KCNB2: variants seen among roughly 807,000 people sequenced by gnomAD.
KCNB2 encodes the protein potassium voltage-gated channel subfamily B member 2.
A neutral mutation model predicts 61.5 loss-of-function variants in KCNB2; 15 were observed. That is an observed-to-expected ratio of 0.24 (90% CI 0.16 to 0.38). KCNB2 has a LOEUF of 0.38. Among genes scored for constraint, KCNB2 ranks in the 10% least tolerant of loss-of-function variants. KCNB2 has a pLI of 1.00. For synonymous variants in KCNB2, 457 were observed against 446.0 expected (o/e 1.02, Z -0.31); for missense variants, 828 against 1,125.2 (o/e 0.74, Z 3.78).
At chr8:72,559,978 C>T (rs186624018) in intron 1 of KCNB2, among the ~76,000 whole-genome samples, 3 of 152,258 alleles carry the variant, frequency 2.0e-5, no homozygotes, top group Admixed American at 1.3e-4. Context: ...AAACTCCCTT[C>T]TGCCACATTC....
intron 2 of KCNB2, among the ~76,000 whole-genome samples, chr8:72,869,777 T>C (rs1329322398): frequency 6.6e-6 from 1 of 152,168 alleles, no homozygotes; most frequent in African/African-American, 2.4e-5. Flanking sequence ...TAGAAAATAG[T>C]GTGGAAGTTC....
chr8:72,645,417 A>G (rs1414463528), intron 2 of KCNB2, among the ~76,000 whole-genome samples: 1 of 152,128 alleles, frequency 6.6e-6, no homozygotes, highest in Non-Finnish European at 1.5e-5. Context: ...TCGCAAGTGC[A>G]TCATTTTTTT....
In KCNB2 at chr8:72,601,021, A is replaced by T. The variant is rs923749535; in HGVS notation, c.579+32708A>T. 3.9e-5 allele frequency among the ~76,000 whole-genome samples: 6 copies of T among 152,234 alleles called. 1 individual carries two copies. ...GTCAAAAAAAAAAAAAGAAATTAAAATGGTAAGTTCTACTCACAACCATTT... is the reference window on the plus strand; with the variant it reads ...GTCAAAAAAAAAAAAAGAAATTAAATTGGTAAGTTCTACTCACAACCATTT... On this transcript the variant is annotated intron_variant, in intron 2 of 2. Coordinates refer to ENST00000523207, the MANE Select transcript of KCNB2 (RefSeq NM_004770.3).
chr8:72,569,618 C>T (rs1038676), intron 2 of KCNB2, among the ~76,000 whole-genome samples: 17,093 of 148,924 alleles, frequency 0.11, 1,112 homozygotes, highest in East Asian at 0.28. Context: ...AAGTTGTTTA[C>T]TTTCATTTTA....
chr8:72,558,901 A>C (rs896144436), intron 1 of KCNB2, among the ~76,000 whole-genome samples: 2 of 152,112 alleles, frequency 1.3e-5, no homozygotes, highest in African/African-American at 4.8e-5. Context: ...GTGATCCTTG[A>C]GTTGATATCT....
chr8:72,819,994 CA>C (rs1208460197), intron 2 of KCNB2, among the ~76,000 whole-genome samples: 2 of 152,124 alleles, frequency 1.3e-5, no homozygotes, highest in African/African-American at 4.8e-5. Context: ...ACGGGTTACA[CA>C]TGGTCTGTGT....
intron 2 of KCNB2, among the ~76,000 whole-genome samples, chr8:72,717,630 A>T (rs1312036249): frequency 6.6e-6 from 1 of 152,134 alleles, no homozygotes; most frequent in Non-Finnish European, 1.5e-5. Flanking sequence ...CTGAAACTGG[A>T]TCCCTTCCTT....
intron 2 of KCNB2, among the ~76,000 whole-genome samples, chr8:72,588,864 C>T (rs181118335): frequency 3.2e-4 from 48 of 152,234 alleles, no homozygotes; most frequent in Non-Finnish European, 6.3e-4. Context: ...CCACTACACT[C>T]CAGCCTGGGT....
intron 2 of KCNB2, among the ~76,000 whole-genome samples, chr8:72,671,659 G>A (rs1806567575): frequency 6.6e-6 from 1 of 152,052 alleles, no homozygotes; most frequent in Admixed American, 6.6e-5. Flanking sequence ...ATGTGACTCT[G>A]TAGTTTCTTA....
At position 72,628,723 on chromosome 8, in the gene KCNB2, A is replaced by T. The variant is rs56253855; in HGVS notation, c.579+60410A>T. Among the ~76,000 whole-genome samples, 883 of 152,140 alleles carry T rather than the reference A, an allele frequency of 5.8e-3. 4 individuals are homozygous for T. The highest frequency in any genetic ancestry group is 8.9e-3 in the Non-Finnish European group (602 of 67,988). ...CCCATTTCATTCTTATATCTAGCTA[A>T]ATTTCTTTTAGGGTCAACATTTGGG... On this transcript the variant is annotated intron_variant, in intron 2 of 2. Coordinates refer to ENST00000523207, the MANE Select transcript of KCNB2 (RefSeq NM_004770.3).
At chr8:72,831,147 A>G (rs1055545443) in intron 2 of KCNB2, among the ~76,000 whole-genome samples, 19 of 152,200 alleles carry the variant, frequency 1.2e-4, no homozygotes, top group Non-Finnish European at 5.9e-5. Context: ...CTCCCAAGCC[A>G]CAGGCTTAGG....
chr8:72,835,381 C>G (rs764646858), intron 2 of KCNB2, among the ~76,000 whole-genome samples: 5 of 152,152 alleles, frequency 3.3e-5, no homozygotes, highest in Non-Finnish European at 7.3e-5. Flanking sequence ...AGGAAGGTAA[C>G]AAGCTAAGCA....
intron 2 of KCNB2, among the ~76,000 whole-genome samples, chr8:72,841,488 A>G (rs1366231504): frequency 1.3e-5 from 2 of 148,184 alleles, no homozygotes; most frequent in Non-Finnish European, 2.9e-5. Context: ...TGGTAGCTTG[A>G]TGGGGATAGC....
intron 2 of KCNB2, among the ~76,000 whole-genome samples, chr8:72,783,807 C>T (rs181219085): frequency 2.0e-5 from 3 of 152,260 alleles, no homozygotes; most frequent in African/African-American, 7.2e-5. Flanking sequence ...AAACTTACAT[C>T]TAGTCACACA....
intron 2 of KCNB2, among the ~76,000 whole-genome samples, chr8:72,692,029 G>T (rs538265802): frequency 6.6e-6 from 1 of 152,024 alleles, no homozygotes; most frequent in Non-Finnish European, 1.5e-5. Flanking sequence ...GAAGTCAGGA[G>T]ATCGAGACCA....
chr8:72,573,738 C>A (rs1397208091), intron 2 of KCNB2, among the ~76,000 whole-genome samples: 1 of 151,460 alleles, frequency 6.6e-6, no homozygotes, highest in Non-Finnish European at 1.5e-5. Flanking sequence ...CTCTGTGTAC[C>A]ATGCAGTGCT....
At chr8:72,821,641 C>CAAAAAAAAAAAAAAAAAAAAAA (rs61090576) in intron 2 of KCNB2, among the ~76,000 whole-genome samples, 1 of 125,752 alleles carries the variant, frequency 8.0e-6, no homozygotes. Context: ...CAAAAAAAAA[C>CAAAAAAAAAAAAAAAAAAAAAA]AAAAAAAAAA....
At chr8:72,838,005 G>A (rs1809812689) in intron 2 of KCNB2, among the ~76,000 whole-genome samples, 1 of 151,948 alleles carries the variant, frequency 6.6e-6, no homozygotes, top group Non-Finnish European at 1.5e-5. Context: ...TATTAATTAG[G>A]TTTTGTGCCA....
chr8:72,605,531 TATTA>T (rs1805431526), intron 2 of KCNB2, among the ~76,000 whole-genome samples: 4 of 152,182 alleles, frequency 2.6e-5, no homozygotes, highest in Admixed American at 6.5e-5. Context: ...TTAGAAAGCT[TATTA>T]AGACAGCTTT....
Sources: allele counts gnomAD v4.1 joint callset (sites outside exome capture counted in the v4.1 genomes callset), GRCh38; gene constraint gnomAD v4.1.1; transcripts MANE v1.5; gene names NCBI Gene and HGNC (gene_info 2026-07-23, HGNC 2026-07-21).